Variants in USP15 observed in about 807,000 individuals in gnomAD.
USP15 encodes ubiquitin carboxyl-terminal hydrolase 15.
A neutral mutation model predicts 127.1 loss-of-function variants in USP15; 18 were observed. The observed-to-expected ratio is 0.14, with a 90% CI of 0.10 to 0.21. USP15 has a LOEUF of 0.21. Among genes scored for constraint, USP15 ranks in the 10% least tolerant of loss-of-function variants. The probability of loss-of-function intolerance (pLI) is 1.00; values close to 1 mark genes in which losing one functional copy is unlikely to be tolerated. For missense variants in USP15, 805 were observed against 1,159.9 expected, an observed-to-expected ratio of 0.69 and a Z score of 4.44; for synonymous variants, 364 against 393.7, an observed-to-expected ratio of 0.92 and a Z score of 0.89.
intron 3 of USP15, chr12:62,303,191 G>A (rs1173391798): frequency 1.4e-5 from 3 of 220,542 alleles, no homozygotes; most frequent in African/African-American, 6.8e-5. Flanking sequence ...TAAAAAGTTA[G>A]GATCTAGTTA....
chr12:62,287,350 G>A (rs975907204), intron 1 of USP15, among the ~76,000 whole-genome samples: 6 of 152,038 alleles, frequency 3.9e-5, no homozygotes, highest in African/African-American at 1.4e-4. Context: ...TTTTTAAAAC[G>A]AATTTATGAT....
intron 1 of USP15, among the ~76,000 whole-genome samples, 160 bp downstream of exon 1, chr12:62,260,663 G>T (rs986993047): frequency 3.9e-5 from 6 of 152,192 alleles, no homozygotes; most frequent in African/African-American, 1.2e-4. Context: ...TTGGGGCAAA[G>T]GTTGGACTCT....
At chr12:62,318,282 A>G (rs2064888505) in intron 4 of USP15, among the ~76,000 whole-genome samples, 1 of 152,148 alleles carries the variant, frequency 6.6e-6, no homozygotes, top group South Asian at 2.1e-4. Flanking sequence ...TCTTGAGCCC[A>G]CTACATGAGA....
intron 1 of USP15, among the ~76,000 whole-genome samples, chr12:62,262,446 A>C (rs2063094524): frequency 6.6e-6 from 1 of 152,160 alleles, no homozygotes; most frequent in Non-Finnish European, 1.5e-5. Flanking sequence ...AATTTCCTTA[A>C]AATAGAAATC....
chr12:62,305,355 CAA>C (rs2064452314), intron 3 of USP15, among the ~76,000 whole-genome samples: 1 of 151,950 alleles, frequency 6.6e-6, no homozygotes, highest in Admixed American at 6.6e-5. Context: ...AATGATTTCT[CAA>C]GAGAAACCAT....
chr12:62,325,947 C>G lies in USP15; in HGVS notation c.683+14C>G. On this transcript the variant is annotated intron_variant, in intron 6 of 21. Transcript: ENST00000280377. ...TTCTACTCCTAAGTAAGTGCTCCCA[C>G]TTCTTATGGCTTATTGTATGATTTT... 6.2e-7 allele frequency: 1 copy of G among 1,600,144 alleles called. No individual in the cohort carries two copies. Among genetic ancestry groups the G allele is most frequent in the Non-Finnish European group, 8.5e-7 (1 of 1,172,480 alleles).
chr12:62,394,697 A>G (rs977202347), intron 19 of USP15, among the ~76,000 whole-genome samples: 3 of 152,068 alleles, frequency 2.0e-5, no homozygotes, highest in Non-Finnish European at 4.4e-5. Flanking sequence ...AAATTCAAAA[A>G]CATTAGCCGG....
At chr12:62,262,067 C>T (rs2063080978) in intron 1 of USP15, among the ~76,000 whole-genome samples, 3 of 151,824 alleles carry the variant, frequency 2.0e-5, no homozygotes, top group South Asian at 2.1e-4. Flanking sequence ...GGTGAAACCC[C>T]GTCTCTACAA....
chr12:62,318,188 G>A (rs140312792), intron 4 of USP15, among the ~76,000 whole-genome samples: 164 of 152,178 alleles, frequency 1.1e-3, no homozygotes, highest in African/African-American at 3.8e-3. Flanking sequence ...TAAACCCTAG[G>A]CTGTTGTTAT....
At chr12:62,393,445 C>T (rs1042811856) in intron 19 of USP15, among the ~76,000 whole-genome samples, 2 of 151,954 alleles carry the variant, frequency 1.3e-5, no homozygotes, top group African/African-American at 4.8e-5. Context: ...CAATAAAAAT[C>T]CTTCTGTGTT....
chr12:62,299,933 T>C (rs2064255703), intron 2 of USP15, among the ~76,000 whole-genome samples: 1 of 152,176 alleles, frequency 6.6e-6, no homozygotes, highest in Middle Eastern at 3.2e-3. Flanking sequence ...AGTTCTTTTT[T>C]TGTGTGCTTG....
rs113756594 is a variant in USP15 at position 62,359,067 on chromosome 12, G to T, written c.915+3592G>T. 1.5e-3 allele frequency among the ~76,000 whole-genome samples: 227 copies of T among 150,938 alleles called. 2 individuals carry two copies. The highest frequency in any genetic ancestry group is 5.3e-3 in the African/African-American group (220 of 41,220). The stretch of plus-strand genomic sequence containing the variant: ...CATCAAAACTTTTTTTTAAGTTACC[G>T]TGGAAAGTTTAATTGTATCCCCAAT... On this transcript the variant is annotated intron_variant, in intron 8 of 21. Transcript: ENST00000280377.
chr12:62,323,429 CTATA>C (rs2137289633), intron 5 of USP15, among the ~76,000 whole-genome samples: 1 of 152,196 alleles, frequency 6.6e-6, no homozygotes, highest in South Asian at 2.1e-4. Flanking sequence ...TAAATGCCCA[CTATA>C]TGTCAAGAAT....
Position 62,409,956 on chromosome 12 carries a change from C to T in USP15, c.*5581C>T, listed in dbSNP as rs1037564898. Reference sequence around the variant, plus strand: ...TAAAGGAGTATTCGATGTTAACAGACGTAACTCTTTAATGCTCCTCTGTTC... The same window carrying T: ...TAAAGGAGTATTCGATGTTAACAGATGTAACTCTTTAATGCTCCTCTGTTC... On this transcript the variant is annotated 3_prime_UTR_variant, in exon 22 of 22. Coordinates refer to ENST00000280377, the MANE Select transcript of USP15 (RefSeq NM_001252078.2). 1.3e-5 allele frequency: 2 copies of T among 151,894 alleles called. No homozygotes were observed. The highest frequency in any genetic ancestry group is 4.8e-5 in the African/African-American group (2 of 41,346). 9.4% of individuals were successfully genotyped at this position (151,894 alleles called of 1,614,324 possible). A position where few individuals can be genotyped will look rare whatever the true frequency, so the allele number is the denominator to read the frequency against.
chr12:62,281,999 A>G (rs1426148576), intron 1 of USP15, among the ~76,000 whole-genome samples: 1 of 152,166 alleles, frequency 6.6e-6, no homozygotes, highest in Non-Finnish European at 1.5e-5. Context: ...CAAACCTTAT[A>G]TACACTGCTT....
chr12:62,376,930 G>T (rs1488122114), intron 8 of USP15, among the ~76,000 whole-genome samples: 9 of 152,260 alleles, frequency 5.9e-5, no homozygotes, highest in Admixed American at 5.9e-4. Context: ...ATTGTTTTGG[G>T]ATAGTCTCAT....
At chr12:62,355,000 A>G (rs550908706) in intron 7 of USP15, 226 of 165,820 alleles carry the variant, frequency 1.4e-3, no homozygotes, top group African/African-American at 5.1e-3. Flanking sequence ...GGTGGTATTT[A>G]AAATCTGAAT....
intron 1 of USP15, 69 bp downstream of exon 1, chr12:62,260,572 C>A: frequency 6.9e-7 from 1 of 1,443,780 alleles, no homozygotes; most frequent in Non-Finnish European, 9.4e-7. Flanking sequence ...GAGCCGCGAG[C>A]TGGTTCTTTC....
chr12:62,375,804 A>T (rs1006908242), intron 8 of USP15, among the ~76,000 whole-genome samples: 2 of 152,190 alleles, frequency 1.3e-5, no homozygotes, highest in African/African-American at 4.8e-5. Context: ...ATATGAAGGC[A>T]CAAGTAGAGA....
Sources: allele counts gnomAD v4.1 joint callset (sites outside exome capture counted in the v4.1 genomes callset), GRCh38; gene constraint gnomAD v4.1.1; transcripts MANE v1.5; gene names NCBI Gene and HGNC (gene_info 2026-07-23, HGNC 2026-07-21).